Variants in PTBP3 observed in about 807,000 individuals in gnomAD.
PTBP3 encodes polypyrimidine tract-binding protein 3.
PTBP3 carries 20 observed loss-of-function variants against 58.7 expected under a neutral mutation model. The observed-to-expected ratio is 0.34, with a 90% CI of 0.24 to 0.50. PTBP3 has a LOEUF of 0.50. Ranked by LOEUF, PTBP3 falls within the 20% of genes least tolerant of loss-of-function variation. PTBP3 has a pLI of 0.98. For synonymous variants in PTBP3, 185 were observed against 219.8 expected, an observed-to-expected ratio of 0.84 and a Z score of 1.40; for missense variants, 509 against 637.2, an observed-to-expected ratio of 0.80 and a Z score of 2.17.
intron 1 of PTBP3, among the ~76,000 whole-genome samples, 193 bp from the exon 2 acceptor site, chr9:112,298,109 A>C (rs1229486879): frequency 1.3e-5 from 2 of 152,206 alleles, no homozygotes; most frequent in South Asian, 4.1e-4. Flanking sequence ...AACTATATAA[A>C]CACAACTGCC....
Position 112,333,507 on chromosome 9 carries a change from G to A in PTBP3, c.-89C>T. ...CAGATGGAGGCGCGCACAGAGCAGG[G>A]ACTGACGGGCTAACCGCGAGCAGAG... is the stretch of plus-strand genomic sequence containing the variant. On this transcript the variant is annotated 5_prime_UTR_variant, in exon 1 of 14. Coordinates refer to ENST00000374257, the MANE Select transcript of PTBP3 (RefSeq NM_001163788.4). 1 of 1,586,664 alleles carries A rather than the reference G, an allele frequency of 6.3e-7. No individual in the cohort carries two copies. Among genetic ancestry groups the A allele is most frequent in the Non-Finnish European group, 8.6e-7 (1 of 1,166,768 alleles).
intron 8 of PTBP3, among the ~76,000 whole-genome samples, chr9:112,233,483 T>G (rs1835326217): frequency 6.6e-6 from 1 of 152,002 alleles, no homozygotes; most frequent in Non-Finnish European, 1.5e-5. Flanking sequence ...CTTGAGGAGC[T>G]TCAAATAAAT....
intron 12 of PTBP3, among the ~76,000 whole-genome samples, chr9:112,226,805 G>C (rs983744147): frequency 6.6e-6 from 1 of 152,132 alleles, no homozygotes; most frequent in East Asian, 1.9e-4. Flanking sequence ...AAAATATTTT[G>C]CTTCCATTTT....
In PTBP3 at chr9:112,290,404, G is replaced by T. The variant is rs546093606; in HGVS notation, c.34+7428C>A. ...AAATACACAATATCGGCCAGGCATG[G>T]TGGCTCACACCTGTATTACCAGCAC... is the stretch of plus-strand genomic sequence containing the variant. On this transcript the variant is annotated intron_variant, in intron 2 of 13. Transcript: ENST00000374257. Among the ~76,000 whole-genome samples, 3 of 152,164 alleles carry T rather than the reference G, an allele frequency of 2.0e-5. No individual in the cohort carries two copies. In the East Asian group the frequency reaches 5.8e-4, roughly 29 times the overall value.
the PTBP3 span, among the ~76,000 whole-genome samples, chr9:112,378,816 G>C: frequency 1.3e-5 from 2 of 152,172 alleles, no homozygotes; most frequent in Non-Finnish European, 2.9e-5. Flanking sequence ...ACCGTATCAT[G>C]AATCATCAAT....
intron 2 of PTBP3, among the ~76,000 whole-genome samples, chr9:112,295,383 A>G (rs1245333871): frequency 6.6e-6 from 1 of 151,030 alleles, no homozygotes; most frequent in Non-Finnish European, 1.5e-5. Context: ...ATCATTATCT[A>G]AGAAGCTGGA....
intron 8 of PTBP3, among the ~76,000 whole-genome samples, chr9:112,234,536 C>G (rs531031778): frequency 6.6e-6 from 1 of 152,222 alleles, no homozygotes; most frequent in East Asian, 1.9e-4. Context: ...AAAGGCAAAT[C>G]TAAGGTTATT....
intron 9 of PTBP3, 100 bp downstream of exon 9, chr9:112,231,999 G>GAAA (rs1564391699): frequency 1.7e-5 from 10 of 571,474 alleles, no homozygotes; most frequent in African/African-American, 8.0e-5. Flanking sequence ...GAGAAGAGAA[G>GAAA]AGAAGAGAAG....
Position 112,268,204 on chromosome 9 carries a change from A to C in PTBP3, c.205-9T>G. ...GCCATTTCTAAGAAAGCCTGCAATA[A>C]ACACAAGAAGGTAAAGTTAAAGCTC... On this transcript the variant is annotated splice_polypyrimidine_tract_variant and intron_variant, in intron 3 of 13. Transcript: ENST00000374257. 6.2e-7 allele frequency: 1 copy of C among 1,600,062 alleles called. No individual in the cohort carries two copies. The highest frequency in any genetic ancestry group is 8.5e-7 in the Non-Finnish European group (1 of 1,176,028).
chr9:112,347,523 T>G, the PTBP3 span, among the ~76,000 whole-genome samples: 6 of 151,934 alleles, frequency 3.9e-5, no homozygotes, highest in East Asian at 1.2e-3. Context: ...TGTATTTTTT[T>G]GTGGAAACAG....
At chr9:112,337,082 T>G (rs997457007), upstream of PTBP3, among the ~76,000 whole-genome samples, 1 of 152,210 alleles carries the variant, frequency 6.6e-6, no homozygotes, top group Non-Finnish European at 1.5e-5. Flanking sequence ...CAGGCTGGAG[T>G]GCAGTAGCGC....
chr9:112,281,123 T>C (rs577885070), intron 2 of PTBP3: 1 of 152,630 alleles, frequency 6.6e-6, no homozygotes, highest in Admixed American at 6.5e-5. Flanking sequence ...CTGGGCAACA[T>C]AGCAAGACCC....
chr9:112,270,985 C>A (rs967223920), intron 3 of PTBP3, among the ~76,000 whole-genome samples: 1 of 152,098 alleles, frequency 6.6e-6, no homozygotes, highest in South Asian at 2.1e-4. Context: ...CGCCACCACA[C>A]CCGGCTTATT....
the PTBP3 span, among the ~76,000 whole-genome samples, chr9:112,378,809 G>GT: frequency 2.6e-5 from 4 of 152,186 alleles, no homozygotes; most frequent in Admixed American, 2.0e-4. Flanking sequence ...TCTAAAGACC[G>GT]TATCATGAAT....
At chr9:112,232,331 T>C (rs371680464) in intron 8 of PTBP3, 93 bp from the exon 9 acceptor site, 9 of 1,266,906 alleles carry the variant, frequency 7.1e-6, no homozygotes, top group East Asian at 2.5e-5. Flanking sequence ...AAAGGAAAAC[T>C]ACAGAAAGAA....
At chr9:112,228,996 T>TA (rs1329666039) in intron 10 of PTBP3, among the ~76,000 whole-genome samples, 2 of 152,206 alleles carry the variant, frequency 1.3e-5, no homozygotes, top group Non-Finnish European at 2.9e-5. Flanking sequence ...TCGATTTTTC[T>TA]ACCCTAGTGT....
In PTBP3 at chr9:112,221,486, G is replaced by A. The variant is rs181718214; in HGVS notation, c.*2365C>T. 4.6e-5 allele frequency: 45 copies of A among 985,222 alleles called. No homozygotes were observed. The African/African-American group carries it at 5.1e-4, about 11-fold the overall frequency. 61.0% of individuals were successfully genotyped at this position (985,222 alleles called of 1,614,324 possible). On this transcript the variant is annotated 3_prime_UTR_variant, in exon 14 of 14. Transcript: ENST00000374257. ...ATTACACAGTAATTCCTAACTTAAAGTAAATGAAATAATCCAATTTAACAT... is the reference window on the plus strand; with the variant it reads ...ATTACACAGTAATTCCTAACTTAAAATAAATGAAATAATCCAATTTAACAT...
intron 9 of PTBP3, 74 bp downstream of exon 9, chr9:112,232,025 A>AG (rs1835259548): frequency 3.7e-6 from 1 of 273,064 alleles, no homozygotes; most frequent in Middle Eastern, 9.6e-4. Context: ...AGAAGAAAAG[A>AG]AAAGAAAGAA....
At chr9:112,258,996 G>A (rs1420709705) in intron 5 of PTBP3, among the ~76,000 whole-genome samples, 1 of 152,172 alleles carries the variant, frequency 6.6e-6, no homozygotes, top group African/African-American at 2.4e-5. Flanking sequence ...CTGTCATCCA[G>A]GCTGGAATGC....
Sources: gnomAD v4.1 joint callset for allele counts (sites outside exome capture counted in the v4.1 genomes callset) on GRCh38, gnomAD v4.1.1 for gene constraint, MANE v1.5 for transcripts, NCBI Gene and HGNC (gene_info 2026-07-23, HGNC 2026-07-21) for gene names.